GDPD5: variants seen among roughly 807,000 people sequenced by gnomAD.
GDPD5 encodes glycerophosphodiester phosphodiesterase domain containing 5.
GDPD5 carries 48 observed loss-of-function variants against 75.1 expected under a neutral mutation model. That is an observed-to-expected ratio of 0.64 (90% CI 0.51 to 0.81). GDPD5 has a LOEUF of 0.81. Ranked by LOEUF, GDPD5 falls within the 40% of genes least tolerant of loss-of-function variation. GDPD5 has a pLI of 0.00. For missense variants in GDPD5, 706 were observed against 822.6 expected (o/e 0.86, Z 1.73); for synonymous variants, 336 against 339.0 (o/e 0.99, Z 0.10).
chr11:75,473,439 C>G (rs922726746), intron 3 of GDPD5, among the ~76,000 whole-genome samples: 4 of 152,106 alleles, frequency 2.6e-5, no homozygotes, highest in African/African-American at 9.7e-5. Context: ...CCTCAGTCCA[C>G]AGCCAGTCCG....
chr11:75,488,388 C>G (rs1950052495), intron 2 of GDPD5, among the ~76,000 whole-genome samples: 1 of 152,102 alleles, frequency 6.6e-6, no homozygotes, highest in Non-Finnish European at 1.5e-5. Flanking sequence ...CAGGGGCCAG[C>G]CTGGCTTTTT....
intron 1 of GDPD5, among the ~76,000 whole-genome samples, chr11:75,509,816 A>G (rs1950477522): frequency 1.3e-5 from 2 of 152,160 alleles, no homozygotes; most frequent in Non-Finnish European, 2.9e-5. Flanking sequence ...AGGAGCTGGG[A>G]TTACAGGCAC....
intron 2 of GDPD5, among the ~76,000 whole-genome samples, chr11:75,487,673 G>C (rs1000967686): frequency 6.6e-6 from 1 of 152,246 alleles, no homozygotes; most frequent in African/African-American, 2.4e-5. Context: ...GAGGCTGGCA[G>C]GGCCCAGAGG....
chr11:75,504,438 T>A (rs1950354453), intron 1 of GDPD5, among the ~76,000 whole-genome samples: 1 of 152,088 alleles, frequency 6.6e-6, no homozygotes, highest in Middle Eastern at 3.2e-3. Context: ...CATCGACAGG[T>A]GAACGGACAG....
intron 11 of GDPD5, 45 bp downstream of exon 11, chr11:75,443,091 G>T (rs1375382711): frequency 1.9e-6 from 3 of 1,569,372 alleles, no homozygotes; most frequent in Non-Finnish European, 2.6e-6. Context: ...TGCAGTCCCT[G>T]CTGGTGTTTT....
rs1470728349 is a variant in GDPD5, at chr11:75,525,555, G to C, written c.-490C>G. 1 of 152,276 alleles carries C rather than the reference G, an allele frequency of 6.6e-6. No individual in the cohort carries two copies. The highest frequency in any genetic ancestry group is 2.4e-5 in the African/African-American group (1 of 41,448). 9.4% of individuals were successfully genotyped at this position (152,276 alleles called of 1,614,324 possible). A position where few individuals can be genotyped will look rare whatever the true frequency, so the allele number is the denominator to read the frequency against. Reference sequence around the variant, plus strand: ...AGCTGGGGTTCCGACCCTCACTGACGGAAAGGCGCGGAGCGACCCTGCAAC... The same window carrying C: ...AGCTGGGGTTCCGACCCTCACTGACCGAAAGGCGCGGAGCGACCCTGCAAC... On this transcript the variant is annotated 5_prime_UTR_variant, in exon 1 of 17. Coordinates refer to ENST00000336898, the MANE Select transcript of GDPD5 (RefSeq NM_030792.8).
At chr11:75,520,523 G>A (rs1018189085) in intron 1 of GDPD5, among the ~76,000 whole-genome samples, 1 of 152,106 alleles carries the variant, frequency 6.6e-6, no homozygotes, top group African/African-American at 2.4e-5. Context: ...GTTTTGACAA[G>A]CCAGCAAGGG....
intron 6 of GDPD5, 116 bp downstream of exon 6, chr11:75,456,641 T>C (rs760963230): frequency 1.8e-5 from 17 of 966,862 alleles, no homozygotes; most frequent in Non-Finnish European, 2.8e-5. Context: ...GCCTTAGCTA[T>C]GAGAACAATT....
intron 1 of GDPD5, among the ~76,000 whole-genome samples, chr11:75,495,138 G>C (rs1278445453): frequency 6.6e-6 from 1 of 151,818 alleles, no homozygotes. Flanking sequence ...GTGATGGCAC[G>C]TGCCTGTAGT....
intron 1 of GDPD5, among the ~76,000 whole-genome samples, chr11:75,500,142 C>T (rs911252618): frequency 2.6e-5 from 4 of 152,162 alleles, no homozygotes; most frequent in Non-Finnish European, 4.4e-5. Flanking sequence ...GAGGACTAGG[C>T]GGGTGTCTAC....
intron 2 of GDPD5, among the ~76,000 whole-genome samples, chr11:75,486,901 G>A (rs913793352): frequency 2.0e-5 from 3 of 152,210 alleles, no homozygotes; most frequent in African/African-American, 4.8e-5. Flanking sequence ...ACAGCACAGC[G>A]GAAGCCTAGG....
At chr11:75,448,449 G>A (rs749404763) in intron 9 of GDPD5, 265 of 982,838 alleles carry the variant, frequency 2.7e-4, no homozygotes, top group Non-Finnish European at 3.0e-4. Context: ...GCTGTGCTGG[G>A]ATGCTAACTC....
At chr11:75,444,061 T>C (rs1317272485) in intron 10 of GDPD5, among the ~76,000 whole-genome samples, 2 of 152,202 alleles carry the variant, frequency 1.3e-5, no homozygotes, top group African/African-American at 4.8e-5. Context: ...ATGGAGAAAG[T>C]GTATATGTCA....
chr11:75,481,189 G>A (rs767975928), intron 2 of GDPD5, among the ~76,000 whole-genome samples: 63 of 152,286 alleles, frequency 4.1e-4, no homozygotes, highest in Non-Finnish European at 8.1e-4. Flanking sequence ...TGGTAGATGA[G>A]CTCCTAAGAT....
At chr11:75,497,713 G>C (rs551989340) in intron 1 of GDPD5, among the ~76,000 whole-genome samples, 1 of 152,146 alleles carries the variant, frequency 6.6e-6, no homozygotes, top group African/African-American at 2.4e-5. Flanking sequence ...TGACCACTTC[G>C]GTGCCTGGCT....
intron 15 of GDPD5, among the ~76,000 whole-genome samples, chr11:75,439,150 C>T (rs1254626447): frequency 6.6e-6 from 1 of 152,196 alleles, no homozygotes; most frequent in East Asian, 1.9e-4. Context: ...GAGGGACACA[C>T]ACGGCAGTGG....
intron 3 of GDPD5, among the ~76,000 whole-genome samples, chr11:75,464,940 G>A (rs1949486245): frequency 6.6e-6 from 1 of 152,068 alleles, no homozygotes; most frequent in Non-Finnish European, 1.5e-5. Context: ...GTCTGCACAT[G>A]ACCGTCTCTC....
At chr11:75,489,025 G>C (rs906405143) in intron 2 of GDPD5, among the ~76,000 whole-genome samples, 2 of 152,138 alleles carry the variant, frequency 1.3e-5, no homozygotes, top group Non-Finnish European at 2.9e-5. Flanking sequence ...TACCTATTTA[G>C]TTGTCAGTCA....
chr11:75,468,729 T>C (rs1257341921), intron 3 of GDPD5, among the ~76,000 whole-genome samples: 1 of 144,908 alleles, frequency 6.9e-6, no homozygotes, highest in Non-Finnish European at 1.5e-5. Context: ...ACTGCTCCCC[T>C]GCAGCTGGTT....
Sources: gnomAD v4.1 joint callset for allele counts (sites outside exome capture counted in the v4.1 genomes callset) on GRCh38, gnomAD v4.1.1 for gene constraint, MANE v1.5 for transcripts, NCBI Gene and HGNC (gene_info 2026-07-23, HGNC 2026-07-21) for gene names.